EYA1: variants seen among roughly 807,000 people sequenced by gnomAD.
The protein encoded by EYA1 is protein phosphatase EYA1.
Under a neutral mutation model 82.0 loss-of-function variants are expected in EYA1, and 16 were observed. That is an observed-to-expected ratio of 0.20 (90% confidence interval 0.13 to 0.30). The LOEUF (loss-of-function observed/expected upper bound fraction) is 0.30, where lower values mean the gene tolerates loss of function less well. Ranked by LOEUF, EYA1 falls within the 10% of genes least tolerant of loss-of-function variation. The pLI is 1.00. For synonymous variants in EYA1, 261 were observed against 264.4 expected (o/e 0.99, Z 0.12); for missense variants, 633 against 730.7 (o/e 0.87, Z 1.54).
intron 2 of EYA1, among the ~76,000 whole-genome samples, chr8:71,383,114 A>G (rs1227727074): frequency 2.0e-5 from 3 of 151,900 alleles, no homozygotes; most frequent in African/African-American, 7.2e-5. Context: ...TGCATTACCA[A>G]TTTATAAACT....
intron 11 of EYA1, among the ~76,000 whole-genome samples, chr8:71,258,411 C>A (rs528965547): frequency 2.0e-5 from 3 of 152,288 alleles, no homozygotes; most frequent in African/African-American, 7.2e-5. Flanking sequence ...GTACAATTTT[C>A]TGAATTACTT....
chr8:71,513,781 C>T (rs1812771618), intron 2 of EYA1, among the ~76,000 whole-genome samples: 1 of 152,098 alleles, frequency 6.6e-6, no homozygotes, highest in African/African-American at 2.4e-5. Context: ...GCCTTCTACT[C>T]TATGATGTCC....
intron 2 of EYA1, among the ~76,000 whole-genome samples, chr8:71,515,297 A>C (rs905717053): frequency 2.0e-5 from 3 of 152,112 alleles, no homozygotes; most frequent in African/African-American, 7.2e-5. Flanking sequence ...CCAAATAGGA[A>C]TCCAAGTCAT....
At chr8:71,322,746 G>A (rs1461226630) in intron 4 of EYA1, among the ~76,000 whole-genome samples, 1 of 152,142 alleles carries the variant, frequency 6.6e-6, no homozygotes, top group Admixed American at 6.6e-5. Flanking sequence ...CTTCTCTCGG[G>A]TGAGAAGAAA....
intron 2 of EYA1, among the ~76,000 whole-genome samples, chr8:71,416,616 G>A (rs1386506256): frequency 6.6e-6 from 1 of 152,158 alleles, no homozygotes; most frequent in Non-Finnish European, 1.5e-5. Flanking sequence ...CTTCCTAGGT[G>A]ATCCTCATCC....
chr8:71,215,577 G>T, intron 15 of EYA1, 37 bp downstream of exon 15: 1 of 1,608,772 alleles, frequency 6.2e-7, no homozygotes, highest in South Asian at 1.1e-5. Context: ...CACGAGCATT[G>T]CCCATTTCCT....
intron 1 of EYA1, among the ~76,000 whole-genome samples, chr8:71,545,644 C>G (rs977193888): frequency 4.1e-5 from 6 of 146,394 alleles, no homozygotes; most frequent in African/African-American, 1.5e-4. Context: ...TCACTGCAAG[C>G]TCTGCCTCCC....
At chr8:71,495,695 A>G (rs1392573005) in intron 2 of EYA1, among the ~76,000 whole-genome samples, 26 of 152,220 alleles carry the variant, frequency 1.7e-4, no homozygotes, top group Admixed American at 1.7e-3. Flanking sequence ...TTGTAAGACA[A>G]CATTCTGTAG....
Position 71,483,895 on chromosome 8 carries a change from A to G in EYA1, c.33+51849T>C, listed in dbSNP as rs182065023. Among the ~76,000 whole-genome samples, 474 of 152,322 alleles carry G rather than the reference A, an allele frequency of 3.1e-3. 3 individuals are homozygous for G. Among genetic ancestry groups the G allele is most frequent in the African/African-American group, 0.011 (450 of 41,580 alleles). On this transcript the variant is annotated intron_variant, in intron 2 of 18. Coordinates refer to the EYA1 transcript ENST00000643681. ...ATTGGAGGTGGGAAACAAAGGGTCA[A>G]TCAGAAGTAAAATGAGAGGGTAAAT...
intron 2 of EYA1, among the ~76,000 whole-genome samples, chr8:71,393,127 A>G (rs1223001564): frequency 6.6e-6 from 1 of 152,178 alleles, no homozygotes; most frequent in Admixed American, 6.5e-5. Context: ...CATTTTATAC[A>G]CTGGAAAGTA....
chr8:71,401,299 T>A (rs914503877), intron 2 of EYA1, among the ~76,000 whole-genome samples: 5 of 152,230 alleles, frequency 3.3e-5, no homozygotes, highest in Admixed American at 1.3e-4. Context: ...ATAAATTTTT[T>A]AAAAATCAGA....
At chr8:71,534,763 G>A (rs2129287236) in intron 2 of EYA1, among the ~76,000 whole-genome samples, 1 of 152,256 alleles carries the variant, frequency 6.6e-6, no homozygotes, top group African/African-American at 2.4e-5. Flanking sequence ...AGGGCTGGGG[G>A]TGAGGGGAAG....
At chr8:71,502,848 G>A (rs1811913441) in intron 2 of EYA1, among the ~76,000 whole-genome samples, 1 of 152,112 alleles carries the variant, frequency 6.6e-6, no homozygotes, top group South Asian at 2.1e-4. Context: ...TTATCCAATT[G>A]CCATTGTTTA....
intron 2 of EYA1, among the ~76,000 whole-genome samples, chr8:71,412,237 G>A (rs1310350111): frequency 9.2e-6 from 1 of 109,132 alleles, no homozygotes; most frequent in African/African-American, 3.4e-5. Flanking sequence ...GGTGGGGTGG[G>A]GGGAGGGGGG....
At chr8:71,527,591 T>A (rs1474420498) in intron 2 of EYA1, among the ~76,000 whole-genome samples, 1 of 152,196 alleles carries the variant, frequency 6.6e-6, no homozygotes, top group Non-Finnish European at 1.5e-5. Flanking sequence ...TGTGGAAGAC[T>A]GGTTCCAAAA....
At chr8:71,276,337 T>G (rs1586138218) in intron 9 of EYA1, among the ~76,000 whole-genome samples, 1 of 152,178 alleles carries the variant, frequency 6.6e-6, no homozygotes, top group African/African-American at 2.4e-5. Flanking sequence ...TGGTAATATT[T>G]GTAGGAGGAA....
intron 16 of EYA1, among the ~76,000 whole-genome samples, chr8:71,211,623 T>C (rs999082798): frequency 5.9e-5 from 9 of 152,316 alleles, no homozygotes; most frequent in South Asian, 2.1e-4. Flanking sequence ...AACTCAAACA[T>C]AGGCAATTCT....
intron 9 of EYA1, among the ~76,000 whole-genome samples, chr8:71,272,397 A>G (rs1816653923): frequency 6.6e-6 from 1 of 152,092 alleles, no homozygotes; most frequent in Non-Finnish European, 1.5e-5. Flanking sequence ...TACATTCCCC[A>G]TTTTCTCCCT....
At chr8:71,541,273 G>A (rs1815116750) in intron 1 of EYA1, among the ~76,000 whole-genome samples, 1 of 152,180 alleles carries the variant, frequency 6.6e-6, no homozygotes, top group Non-Finnish European at 1.5e-5. Flanking sequence ...TGTAGATGTG[G>A]TTTCTACAGA....
Sources: gnomAD v4.1 joint callset for allele counts (sites outside exome capture counted in the v4.1 genomes callset) on GRCh38, gnomAD v4.1.1 for gene constraint, MANE v1.5 for transcripts, NCBI Gene and HGNC (gene_info 2026-07-23, HGNC 2026-07-21) for gene names.